EPS8L1: variants seen among roughly 807,000 people sequenced by gnomAD.
The protein encoded by EPS8L1 is EPS8 signaling adaptor L1.
In EPS8L1, 101 loss-of-function variants were observed where a neutral mutation model predicts 91.7. That is an observed-to-expected ratio of 1.10 (90% confidence interval 0.94 to 1.30). The LOEUF is 1.30. Ranked by LOEUF, EPS8L1 falls within the 50% of genes most tolerant of loss-of-function variation. The pLI, the probability that EPS8L1 is intolerant of heterozygous loss-of-function variation, is 0.00. For missense variants in EPS8L1, 1,114 were observed against 1,017.0 expected, an observed-to-expected ratio of 1.10 and a Z score of -1.30; for synonymous variants, 506 against 445.3, an observed-to-expected ratio of 1.14 and a Z score of -1.72.
In EPS8L1 at chr19:55,083,705, C is replaced by G; in HGVS notation, c.1385+61C>G. On this transcript the variant is annotated intron_variant, in intron 14 of 19. Coordinates refer to ENST00000201647, the MANE Select transcript of EPS8L1 (RefSeq NM_133180.3). The surrounding 1 kb of genome is among the most constrained non-coding windows in gnomAD (Gnocchi z 4.7). ...AGGAGGGGTGCGTCCCGGGGGCTCC[C>G]GATGCTGACTCCGCCCCCTTTTTTT... is the stretch of plus-strand genomic sequence containing the variant. The G allele has an allele frequency of 6.4e-7, 1 of 1,559,990 alleles. No individual in the cohort carries two copies. The highest frequency in any genetic ancestry group is 8.7e-7 in the Non-Finnish European group (1 of 1,150,554).
At position 55,087,200 on chromosome 19, in the gene EPS8L1, G is replaced by A. The variant is rs371442777; in HGVS notation, c.1953-103G>A. On this transcript the variant is annotated intron_variant, in intron 18 of 19. Transcript: ENST00000201647. ...GTCGGGCCTGCCCCCGCTAGAGCTA[G>A]AATGCTGTTCTGATTGGACCATCGC... 4.1e-6 allele frequency: 6 copies of A among 1,464,728 alleles called. No individual in the cohort carries two copies. The African/African-American group carries it at 8.5e-5, about 21-fold the overall frequency. 90.7% of individuals were successfully genotyped at this position (1,464,728 alleles called of 1,614,324 possible). A position where few individuals can be genotyped will look rare whatever the true frequency, so the allele number is the denominator to read the frequency against.
At chr19:55,084,687 C>T (rs571858137) in intron 14 of EPS8L1, 31 of 151,766 alleles carry the variant, frequency 2.0e-4, no homozygotes, top group African/African-American at 7.6e-4. Flanking sequence ...GGGGTCAGAG[C>T]TGAAATCCCA....
rs1448965339 is a variant in EPS8L1 at position 55,083,641 on chromosome 19, A to G, written c.1382A>G (p.Asn461Ser). ...CAAAGCGCCCCCCAGGTCGCTGTCA[A>G]TGGGTGAGTGTCCGCCCCAGGGCAG... ...RQQSAPQVAVNGHRDLEPESE... is the reference protein window; with the variant it reads ...RQQSAPQVAVSGHRDLEPESE... Residue 461 changes from asparagine (N) to serine (S), a missense_variant, in exon 14 of 20, where the codon AAT becomes AGT. Coordinates refer to ENST00000201647, the MANE Select transcript of EPS8L1 (RefSeq NM_133180.3). This position sits in a 1 kb window ranked among gnomAD's most constrained non-coding sequence, Gnocchi z 4.7. 2 of 1,594,808 alleles carry G rather than the reference A, an allele frequency of 1.3e-6. No individual in the cohort carries two copies. Among genetic ancestry groups the G allele is most frequent in the African/African-American group, 1.3e-5 (1 of 74,820 alleles).
chr19:55,086,043 G>T lies in EPS8L1; in HGVS notation c.1519-18G>T. The T allele has an allele frequency of 6.3e-7, 1 of 1,596,788 alleles. No homozygotes were observed. The highest frequency in any genetic ancestry group is 8.6e-7 in the Non-Finnish European group (1 of 1,168,272). On this transcript the variant is annotated intron_variant, in intron 15 of 19. Coordinates refer to ENST00000201647, the MANE Select transcript of EPS8L1 (RefSeq NM_133180.3). ...GCTGCAGACAGGCTCTGAACCCTCTGTTCTTTACCACACCCAGGTCCTGGA... is the reference window on the plus strand; with the variant it reads ...GCTGCAGACAGGCTCTGAACCCTCTTTTCTTTACCACACCCAGGTCCTGGA...
At chr19:55,086,928 GA>G (rs2076359132) in intron 18 of EPS8L1, 40 bp downstream of exon 18, 1 of 1,405,282 alleles carries the variant, frequency 7.1e-7, no homozygotes, top group Non-Finnish European at 9.2e-7. Context: ...GGTTGATACG[GA>G]CGCTGGGAGC....
Position 55,081,542 on chromosome 19 carries a change from G to A in EPS8L1, c.774+50G>A. The stretch of plus-strand genomic sequence containing the variant: ...GGGGCAGGGCCAGGCGACTGGAGGC[G>A]GGGCTAGGGCGTGGAAGGGCGGGGC... On this transcript the variant is annotated intron_variant, in intron 8 of 19. Transcript: ENST00000201647. This position sits in a 1 kb window ranked among gnomAD's most constrained non-coding sequence, Gnocchi z 4.9. 1.3e-6 allele frequency: 2 copies of A among 1,499,104 alleles called. No individual in the cohort carries two copies. The highest frequency in any genetic ancestry group is 1.4e-5 in the South Asian group (1 of 74,002). The allele number at this position is 1,499,104 out of a possible 1,614,324, so 92.9% of individuals were successfully genotyped here.
Position 55,083,444 on chromosome 19 carries a change from G to T in EPS8L1, c.1281G>T (p.Pro427=). ...RPEFFSGWEP[P]VTDPQSRAWE... is the part of the protein sequence containing the mutation. ...AGTTCTTCAGCGGCTGGGAGCCGCCGGTCACTGACCCGCAGAGCCGCGCCT... is the reference window on the plus strand; with the variant it reads ...AGTTCTTCAGCGGCTGGGAGCCGCCTGTCACTGACCCGCAGAGCCGCGCCT... The change falls in exon 13 of 20, where the codon CCG becomes CCT. Residue 427 remains proline, a synonymous_variant. Coordinates refer to ENST00000201647, the MANE Select transcript of EPS8L1 (RefSeq NM_133180.3). This position sits in a 1 kb window ranked among gnomAD's most constrained non-coding sequence, Gnocchi z 4.7. The T allele has an allele frequency of 6.2e-7, 1 of 1,612,744 alleles. No individual in the cohort carries two copies. The highest frequency in any genetic ancestry group is 1.1e-5 in the South Asian group (1 of 91,080).
At position 55,082,165 on chromosome 19, in the gene EPS8L1, C is replaced by T. The variant is rs1453203501; in HGVS notation, c.975C>T (p.Tyr325=). ...EYTDVLQKIK[Y]AFSLLARLRG... ...CCGACGTGCTGCAGAAGATCAAGTA[C>T]GCCTTCAGCCTGCTGGTGAGGACGC... The change falls in exon 10 of 20, where the codon TAC becomes TAT. Residue 325 remains tyrosine, a synonymous_variant. Coordinates refer to ENST00000201647, the MANE Select transcript of EPS8L1 (RefSeq NM_133180.3). 5 of 1,600,370 alleles carry T rather than the reference C, an allele frequency of 3.1e-6. No homozygotes were observed. Among genetic ancestry groups the T allele is most frequent in the Non-Finnish European group, 4.3e-6 (5 of 1,174,028 alleles).
In EPS8L1 at chr19:55,080,199, G is replaced by T; in HGVS notation, c.350G>T (p.Arg117Leu). ...CDAVMPPGRS[R>L]SLLLLVCQEP... ...GCGGTGATGCCACCCGGCAGGAGCC[G>T]CTCGTTGCTGCTGCTCGTGTGCCAG... The change falls in exon 6 of 20, where the codon CGC becomes CTC. Residue 117 changes from arginine (R) to leucine (L), a missense_variant. Coordinates refer to ENST00000201647, the MANE Select transcript of EPS8L1 (RefSeq NM_133180.3). 1.3e-6 allele frequency: 2 copies of T among 1,536,856 alleles called. No homozygotes were observed. Among genetic ancestry groups the T allele is most frequent in the Non-Finnish European group, 8.8e-7 (1 of 1,136,624 alleles).
Position 55,077,440 on chromosome 19 carries a change from GA to G in EPS8L1, c.18-643del, listed in dbSNP as rs1280817384. ...CCAGATGGTTACTACGTTACAGAAA[GA>G]AAAACTGAGGCAGGAGAGATTAAAT... On this transcript the variant is annotated intron_variant, in intron 2 of 19. Coordinates refer to ENST00000201647, the MANE Select transcript of EPS8L1 (RefSeq NM_133180.3). Among the ~76,000 whole-genome samples, 59 of 152,042 alleles carry G rather than the reference GA, an allele frequency of 3.9e-4. 1 individual carries two copies. The highest frequency in any genetic ancestry group is 2.2e-4 in the Non-Finnish European group (15 of 68,012).
Position 55,082,142 on chromosome 19 carries a change from G to C in EPS8L1, c.952G>C (p.Asp318His). 3 of 1,604,420 alleles carry C rather than the reference G, an allele frequency of 1.9e-6. No homozygotes were observed. Among genetic ancestry groups the C allele is most frequent in the South Asian group, 2.2e-5 (2 of 89,830 alleles). The stretch of plus-strand genomic sequence containing the variant: ...GCCGCCCTCGGAGGCCGAGTACACC[G>C]ACGTGCTGCAGAAGATCAAGTACGC... ...AKPPSEAEYT[D>H]VLQKIKYAFS... Residue 318 changes from aspartate (D) to histidine (H), a missense_variant, in exon 10 of 20, where the codon GAC (aspartate) becomes CAC (histidine). Asp to His is a moderately conservative substitution (Grantham distance 81). Coordinates refer to ENST00000201647, the MANE Select transcript of EPS8L1 (RefSeq NM_133180.3).
At position 55,082,444 on chromosome 19, in the gene EPS8L1, C is replaced by G; in HGVS notation, c.1066-10C>G. 6.2e-7 allele frequency: 1 copy of G among 1,611,708 alleles called. No individual in the cohort carries two copies. The highest frequency in any genetic ancestry group is 1.7e-5 in the Admixed American group (1 of 59,938). On this transcript the variant is annotated splice_polypyrimidine_tract_variant and intron_variant, in intron 11 of 19. Coordinates refer to ENST00000201647, the MANE Select transcript of EPS8L1 (RefSeq NM_133180.3). ...GGCGGCACAGCCTGCCCCTCCTGCT[C>G]CCCTGACAGATTGTGAACACGTCGG...
At chr19:55,086,636 C>CCCCCCCCCCCCCCCCCCGGCCCCCCGG in intron 17 of EPS8L1, 78 bp from the exon 18 acceptor site, 1 of 956,964 alleles carries the variant, frequency 1.0e-6, no homozygotes, top group Non-Finnish European at 1.4e-6. Flanking sequence ...CGCTGGAGCG[C>CCCCCCCCCCCCCCCCCCGGCCCCCCGG]CCCCCCGCCC....
chr19:55,081,093 G>C lies in EPS8L1; in HGVS notation c.513-138G>C. ...GAGAGGTGCTATCCCTCCGTATATC[G>C]GATTTCTCCCTACCTCGTTGAACTT... On this transcript the variant is annotated intron_variant, in intron 7 of 19. Transcript: ENST00000201647. This position sits in a 1 kb window ranked among gnomAD's most constrained non-coding sequence, Gnocchi z 4.9. 4 of 1,137,080 alleles carry C rather than the reference G, an allele frequency of 3.5e-6. No homozygotes were observed. The South Asian group carries it at 4.9e-5, about 14-fold the overall frequency. 70.4% of individuals were successfully genotyped at this position (1,137,080 alleles called of 1,614,324 possible).
chr19:55,086,632 A>AGTG, intron 17 of EPS8L1, 82 bp from the exon 18 acceptor site: 1 of 1,463,768 alleles, frequency 6.8e-7, no homozygotes, highest in Non-Finnish European at 9.1e-7. Flanking sequence ...GGGACGCTGG[A>AGTG]GCGCCCCCCC....
In EPS8L1 at chr19:55,087,182, C is replaced by CT. The variant is rs1320978911; in HGVS notation, c.1953-120dup. 9 of 1,416,666 alleles carry CT rather than the reference C, an allele frequency of 6.4e-6. No individual in the cohort carries two copies. The African/African-American group carries it at 1.3e-4, about 20-fold the overall frequency. The allele number at this position is 1,416,666 out of a possible 1,614,324, so 87.8% of individuals were successfully genotyped here. A position where few individuals can be genotyped will look rare whatever the true frequency, so the allele number is the denominator to read the frequency against. ...GGGTGGGGTTCAGGAGGTGTCGGGC[C>CT]TGCCCCCGCTAGAGCTAGAATGCTG... On this transcript the variant is annotated intron_variant, in intron 18 of 19. Transcript: ENST00000201647.
intron 2 of EPS8L1, among the ~76,000 whole-genome samples, chr19:55,077,808 C>T (rs1230681970): frequency 6.6e-6 from 1 of 151,150 alleles, no homozygotes; most frequent in Non-Finnish European, 1.5e-5. Context: ...AAGATGGTCT[C>T]AATCTCTTGA....
chr19:55,077,320 A>G (rs2076150737), intron 2 of EPS8L1, among the ~76,000 whole-genome samples: 1 of 152,174 alleles, frequency 6.6e-6, no homozygotes, highest in African/African-American at 2.4e-5. Flanking sequence ...TCTGTGTGCT[A>G]AGCCCTGGCA....
At position 55,087,429 on chromosome 19, in the gene EPS8L1, G is replaced by A. The variant is rs2076365088; in HGVS notation, c.2079G>A (p.Leu693=). Residue 693 remains leucine (L), a synonymous_variant, in exon 19 of 20, where the codon CTG becomes CTA. Transcript: ENST00000201647. ...GCCAGGTCACCGTGCAGCGCTCGCTGCTGGAGGTGAGCCGGACCGCTGGTC... is the reference window on the plus strand; with the variant it reads ...GCCAGGTCACCGTGCAGCGCTCGCTACTGGAGGTGAGCCGGACCGCTGGTC... ...VYSQVTVQRS[L]LEDKEKVSEL... 1 of 1,614,164 alleles carries A rather than the reference G, an allele frequency of 6.2e-7. No individual in the cohort carries two copies. The highest frequency in any genetic ancestry group is 8.5e-7 in the Non-Finnish European group (1 of 1,180,020).
Sources: allele counts gnomAD v4.1 joint callset (sites outside exome capture counted in the v4.1 genomes callset), GRCh38; gene constraint gnomAD v4.1.1; non-coding constraint Gnocchi (gnomAD v3.1); transcripts MANE v1.5; gene names NCBI Gene and HGNC (gene_info 2026-07-23, HGNC 2026-07-21).